The following CDK20 variants were observed in gnomAD, a reference collection of about 807,000 sequenced individuals.
CDK20 encodes the protein cyclin-dependent kinase 20.
CDK20 carries 40 observed loss-of-function variants against 38.6 expected under a neutral mutation model. The ratio of observed to expected loss-of-function variants is 1.04; its 90% confidence interval spans 0.81 to 1.35. The LOEUF (loss-of-function observed/expected upper bound fraction) is 1.35. Among genes scored for constraint, CDK20 ranks in the 40% most tolerant of loss-of-function variants. The pLI is 0.00. For missense variants in CDK20, 512 were observed against 452.6 expected, an observed-to-expected ratio of 1.13 and a Z score of -1.19; for synonymous variants, 209 against 185.7, an observed-to-expected ratio of 1.13 and a Z score of -1.02.
In CDK20 at chr9:87,966,832, A is replaced by G; in HGVS notation, c.*630T>C. 2.8e-6 allele frequency: 1 copy of G among 358,640 alleles called. No individual in the cohort carries two copies. The highest frequency in any genetic ancestry group is 5.5e-6 in the Non-Finnish European group (1 of 182,662). The allele number at this position is 358,640 out of a possible 1,614,324, so 22.2% of individuals were successfully genotyped here. ...AAATGAGTGCTCAGTGATGTGAAGTACACAGGAGTCCCTCAGGGCAAAAGT... is the reference window on the plus strand; with the variant it reads ...AAATGAGTGCTCAGTGATGTGAAGTGCACAGGAGTCCCTCAGGGCAAAAGT... On this transcript the variant is annotated 3_prime_UTR_variant, in exon 8 of 8. Transcript: ENST00000325303.
At chr9:87,974,318 G>C in intron 1 of CDK20, 54 bp downstream of exon 1, 4 of 1,548,732 alleles carry the variant, frequency 2.6e-6, no homozygotes, top group African/African-American at 1.4e-5. Flanking sequence ...AGCGTTAGCC[G>C]GAGGGTGGCG....
intron 6 of CDK20, 164 bp from the exon 7 acceptor site, chr9:87,969,513 C>T (rs922019165): frequency 3.6e-6 from 3 of 823,826 alleles, no homozygotes; most frequent in African/African-American, 1.7e-5. Flanking sequence ...CCCCTGTATT[C>T]CTTCATCCAT....
chr9:87,970,116 A>C, intron 5 of CDK20, 197 bp from the exon 6 acceptor site: 1 of 531,520 alleles, frequency 1.9e-6, no homozygotes, highest in Non-Finnish European at 3.1e-6. Context: ...CTGTTCCAAG[A>C]CTTCTCGGAG....
Position 87,970,769 on chromosome 9 carries a change from TCC to T in CDK20, c.500+5_500+6del, listed in dbSNP as rs556907292. 382 of 1,613,988 alleles carry T rather than the reference TCC, an allele frequency of 2.4e-4. 1 individual carries two copies. The African/African-American group carries it at 4.3e-3, about 18-fold the overall frequency. On this transcript the variant is annotated splice_donor_5th_base_variant and intron_variant, in intron 4 of 7. Coordinates refer to ENST00000325303, the MANE Select transcript of CDK20 (RefSeq NM_001039803.3). ...GAGAAGACTGGAAGGGATCTGGCCC[TCC>T]CTACCTGGTGGCCACCTGGTGTGTG...
At chr9:87,973,568 A>G (rs1830010859) in intron 2 of CDK20, among the ~76,000 whole-genome samples, 1 of 152,204 alleles carries the variant, frequency 6.6e-6, no homozygotes, top group Non-Finnish European at 1.5e-5. Flanking sequence ...TCTCAAAATG[A>G]CAATGTATAT....
intron 5 of CDK20, 144 bp from the exon 6 acceptor site, chr9:87,970,063 A>G (rs1441842923): frequency 1.1e-6 from 1 of 912,662 alleles, no homozygotes; most frequent in Non-Finnish European, 1.6e-6. Flanking sequence ...CAGTCCCTGA[A>G]CCCTCAAAGC....
Position 87,967,543 on chromosome 9 carries a change from G to A in CDK20, c.960C>T (p.Ile320=), listed in dbSNP as rs1453323939. ...GAGGCCGGTCCACGTGGAAGTCATG[G>A]ATGTGGGGGGGCCCTGGATGGGCCT... ...APKAHPGPPH[I]HDFHVDRPLE... is the part of the protein sequence containing the mutation. The change falls in exon 8 of 8, where the codon ATC becomes ATT. Residue 320 remains isoleucine, a synonymous_variant. Transcript: ENST00000325303. 6.4e-7 allele frequency: 1 copy of A among 1,553,976 alleles called. No homozygotes were observed. The highest frequency in any genetic ancestry group is 1.4e-5 in the African/African-American group (1 of 73,182).
At chr9:87,970,392 ACAT>A in intron 5 of CDK20, 173 bp downstream of exon 5, 4 of 614,316 alleles carry the variant, frequency 6.5e-6, no homozygotes, top group Non-Finnish European at 1.1e-5. Flanking sequence ...CAGCTCGAAA[ACAT>A]CATAGTGAGG....
In CDK20 at chr9:87,967,659, C is replaced by T. The variant is rs918641074; in HGVS notation, c.844G>A (p.Ala282Thr). Reference sequence around the variant, plus strand: ...GTGAAGAAGTACTGATGGAGGAGAGCCTGAGGGTGGCAAGTAAGGAACAGC... The same window carrying T: ...GTGAAGAAGTACTGATGGAGGAGAGTCTGAGGGTGGCAAGTAAGGAACAGC... Reference protein sequence around the residue: ...PPHQRIAASKALLHQYFFTAP... With the variant: ...PPHQRIAASKTLLHQYFFTAP... Residue 282 changes from alanine to threonine, a missense_variant and splice_region_variant, in exon 8 of 8, where the codon GCT becomes ACT. Transcript: ENST00000325303. 6.8e-7 allele frequency: 1 copy of T among 1,467,526 alleles called. No homozygotes were observed. The highest frequency in any genetic ancestry group is 9.0e-7 in the Non-Finnish European group (1 of 1,106,706). The allele number at this position is 1,467,526 out of a possible 1,614,324, so 90.9% of individuals were successfully genotyped here. A position where few individuals can be genotyped will look rare whatever the true frequency, so the allele number is the denominator to read the frequency against.
chr9:87,973,670 ATACAT>A (rs1830018783), intron 2 of CDK20, among the ~76,000 whole-genome samples: 1 of 152,232 alleles, frequency 6.6e-6, no homozygotes, highest in Non-Finnish European at 1.5e-5. Context: ...GAATGAATGA[ATACAT>A]TAAGAAATAA....
Position 87,971,297 on chromosome 9 carries a change from G to GC in CDK20, c.227dup (p.Phe77LeufsTer6). On this transcript the variant is annotated frameshift_variant, in exon 3 of 8. Coordinates refer to ENST00000325303, the MANE Select transcript of CDK20 (RefSeq NM_001039803.3). LOFTEE classifies it high-confidence loss of function. ...GCATGAACTCAAAGGCCAGCACAAA[G>GC]CCTCCACCGTGTGGGAACACAGCCT... 6.2e-7 allele frequency: 1 copy of GC among 1,613,900 alleles called. No individual in the cohort carries two copies. The highest frequency in any genetic ancestry group is 8.5e-7 in the Non-Finnish European group (1 of 1,179,924).
chr9:87,974,100 G>A, intron 1 of CDK20, 65 bp from the exon 2 acceptor site: 1 of 1,609,504 alleles, frequency 6.2e-7, no homozygotes, highest in Non-Finnish European at 8.5e-7. Flanking sequence ...GAAGGTGGGT[G>A]AGGGGAAGGT....
intron 4 of CDK20, 40 bp from the exon 5 acceptor site, chr9:87,970,670 G>T (rs750648753): frequency 6.2e-7 from 1 of 1,613,630 alleles, no homozygotes; most frequent in Non-Finnish European, 8.5e-7. Flanking sequence ...GCTGAGAAAA[G>T]GATGCCTGGG....
intron 7 of CDK20, 24 bp downstream of exon 7, chr9:87,969,170 A>G: frequency 3.1e-6 from 5 of 1,611,478 alleles, no homozygotes; most frequent in East Asian, 2.2e-5. Context: ...CTGAAGGAGC[A>G]GAGACTACAG....
chr9:87,974,134 C>G, intron 1 of CDK20, 99 bp from the exon 2 acceptor site: 1 of 1,583,206 alleles, frequency 6.3e-7, no homozygotes, highest in Non-Finnish European at 8.6e-7. Context: ...ACACGCGCCC[C>G]CGGCTCGGCC....
rs1327150987 is a variant in CDK20 at position 87,967,164 on chromosome 9, A to G, written c.*298T>C. ...GCAGGCATCGTCATTCTGCATATGC[A>G]GGCCTTGACTGGCAGCAGAGCTCAC... On this transcript the variant is annotated 3_prime_UTR_variant, in exon 8 of 8. Coordinates refer to ENST00000325303, the MANE Select transcript of CDK20 (RefSeq NM_001039803.3). 1 of 645,148 alleles carries G rather than the reference A, an allele frequency of 1.6e-6. No individual in the cohort carries two copies. Among genetic ancestry groups the G allele is most frequent in the Non-Finnish European group, 2.9e-6 (1 of 341,700 alleles). The allele number at this position is 645,148 out of a possible 1,614,324, so 40.0% of individuals were successfully genotyped here. A position where few individuals can be genotyped will look rare whatever the true frequency, so the allele number is the denominator to read the frequency against.
At position 87,971,231 on chromosome 9, in the gene CDK20, T is replaced by C. The variant is rs746419285; in HGVS notation, c.294A>G (p.Pro98=). 6.2e-7 allele frequency: 1 copy of C among 1,614,142 alleles called. No homozygotes were observed. Among genetic ancestry groups the C allele is most frequent in the Non-Finnish European group, 8.5e-7 (1 of 1,180,026 alleles). Residue 98 remains proline, a synonymous_variant, in exon 3 of 8, where the codon CCA becomes CCG. Coordinates refer to ENST00000325303, the MANE Select transcript of CDK20 (RefSeq NM_001039803.3). ...AGCTCTTGACCTGTGCCTGGGCTAG[T>C]GGCCTCTGGGCATGGCGCACCACCT... The part of the protein sequence containing the change: ...LAEVVRHAQR[P]LAQAQVKSYL...
At chr9:87,973,868 A>G (rs1375823001) in intron 2 of CDK20, 54 bp downstream of exon 2, 2 of 1,561,734 alleles carry the variant, frequency 1.3e-6, no homozygotes, top group Non-Finnish European at 1.7e-6. Flanking sequence ...GGCACAAAGA[A>G]GTGGGAACGA....
Position 87,970,848 on chromosome 9 carries a change from A to G in CDK20, c.428T>C (p.Ile143Thr). Residue 143 changes from isoleucine to threonine, a missense_variant, in exon 4 of 8, where the codon ATA becomes ACA. By Grantham distance (89) the Ile-to-Thr change is moderately conservative. Coordinates refer to ENST00000325303, the MANE Select transcript of CDK20 (RefSeq NM_001039803.3). Reference sequence around the variant, plus strand: ...GACTCGAGCCAGGCCAAAGTCCGCTATCTTGAGCTGGCCTGAGGCGCTGAT... The same window carrying G: ...GACTCGAGCCAGGCCAAAGTCCGCTGTCTTGAGCTGGCCTGAGGCGCTGAT... ...LLISASGQLK[I>T]ADFGLARVFS... 2 of 1,614,194 alleles carry G rather than the reference A, an allele frequency of 1.2e-6. No homozygotes were observed. Among genetic ancestry groups the G allele is most frequent in the Non-Finnish European group, 1.7e-6 (2 of 1,180,036 alleles).
Sources: allele counts gnomAD v4.1 joint callset (sites outside exome capture counted in the v4.1 genomes callset), GRCh38; gene constraint gnomAD v4.1.1; transcripts MANE v1.5; gene names NCBI Gene and HGNC (gene_info 2026-07-23, HGNC 2026-07-21).